WAPL: variants seen among roughly 807,000 people sequenced by gnomAD.
WAPL encodes wings apart-like protein homolog.
In WAPL, 5 loss-of-function variants were observed where a neutral mutation model predicts 121.0. The observed-to-expected ratio is 0.04, with a 90% CI of 0.02 to 0.09. The LOEUF is 0.09. Among genes scored for constraint, WAPL ranks in the 10% least tolerant of loss-of-function variants. The pLI, the probability that WAPL is intolerant of heterozygous loss-of-function variation, is 1.00. For missense variants in WAPL, 999 were observed against 1,410.8 expected, an observed-to-expected ratio of 0.71 and a Z score of 4.68; for synonymous variants, 480 against 481.5, an observed-to-expected ratio of 1.00 and a Z score of 0.04.
At chr10:86,490,043 A>G (rs1250803180) in intron 4 of WAPL, among the ~76,000 whole-genome samples, 8 of 152,084 alleles carry the variant, frequency 5.3e-5, no homozygotes, top group South Asian at 2.1e-4. Flanking sequence ...GTGAAACCCC[A>G]TATCTACTAG....
chr10:86,506,622 C>CA (rs983455761), intron 2 of WAPL, among the ~76,000 whole-genome samples: 144 of 151,494 alleles, frequency 9.5e-4, no homozygotes, highest in Middle Eastern at 3.4e-3. Context: ...ACTCTCTCTA[C>CA]AAAAAAAAAT....
At chr10:86,491,211 C>T (rs1221197077) in intron 4 of WAPL, among the ~76,000 whole-genome samples, 1 of 142,620 alleles carries the variant, frequency 7.0e-6, no homozygotes, top group African/African-American at 2.6e-5. Flanking sequence ...ATGATCTCCG[C>T]TCACTGCAAA....
In WAPL at chr10:86,483,125, G is replaced by A. The variant is rs191863108; in HGVS notation, c.1645-9152C>T. ...CTACTGTGCTGCCAGTCCTATAAGGGTACAGTACATACATGCCAGGTGCGG... is the reference window on the plus strand; with the variant it reads ...CTACTGTGCTGCCAGTCCTATAAGGATACAGTACATACATGCCAGGTGCGG... On this transcript the variant is annotated intron_variant, in intron 4 of 18. Coordinates refer to ENST00000298767, the MANE Select transcript of WAPL (RefSeq NM_015045.5). Among the ~76,000 whole-genome samples, 344 of 152,266 alleles carry A rather than the reference G, an allele frequency of 2.3e-3. 2 individuals are homozygous for A. The highest frequency in any genetic ancestry group is 7.9e-3 in the African/African-American group (329 of 41,544).
Position 86,518,233 on chromosome 10 carries a change from G to A in WAPL, c.-22-142C>T, listed in dbSNP as rs548647957. 57 of 818,622 alleles carry A rather than the reference G, an allele frequency of 7.0e-5. No homozygotes were observed. In the South Asian group the frequency reaches 1.2e-3, roughly 17 times the overall value. The allele number at this position is 818,622 out of a possible 1,614,324, so 50.7% of individuals were successfully genotyped here. A position where few individuals can be genotyped will look rare whatever the true frequency, so the allele number is the denominator to read the frequency against. On this transcript the variant is annotated intron_variant, in intron 1 of 18. Coordinates refer to ENST00000298767, the MANE Select transcript of WAPL (RefSeq NM_015045.5). ...CTTTTAAATAAACAAATATGAGGAAGGGGTATAAAGAAAGGCTGATTTATT... is the reference window on the plus strand; with the variant it reads ...CTTTTAAATAAACAAATATGAGGAAAGGGTATAAAGAAAGGCTGATTTATT...
chr10:86,460,311 G>T, intron 11 of WAPL, 88 bp downstream of exon 11: 2 of 1,007,332 alleles, frequency 2.0e-6, no homozygotes, highest in Non-Finnish European at 1.5e-6. Flanking sequence ...ACCTCCAGGG[G>T]TATATAAAAT....
At chr10:86,484,751 C>T (rs1187833701) in intron 4 of WAPL, among the ~76,000 whole-genome samples, 1 of 152,118 alleles carries the variant, frequency 6.6e-6, no homozygotes, top group Non-Finnish European at 1.5e-5. Context: ...GGTTTAGATA[C>T]ACAAATACTT....
Position 86,517,775 on chromosome 10 carries a change from C to T in WAPL, c.295G>A (p.Glu99Lys). Residue 99 changes from glutamate (E) to lysine (K), a missense_variant, in exon 2 of 19, where the codon GAA becomes AAA. This residue lies in a region of WAPL where 531 missense variants were observed against 563.1 expected (regional missense o/e 0.94). Coordinates refer to ENST00000298767, the MANE Select transcript of WAPL (RefSeq NM_015045.5). ...LAQVKCSSYS[E>K]SSEAAQLEEV... is the part of the protein sequence containing the mutation. ...TCCAACTGAGCAGCTTCACTAGATT[C>T]TGAATAAGAGGAACACTTAACCTGG... is the stretch of plus-strand genomic sequence containing the variant. The T allele has an allele frequency of 6.2e-7, 1 of 1,614,176 alleles. No homozygotes were observed. Among genetic ancestry groups the T allele is most frequent in the Non-Finnish European group, 8.5e-7 (1 of 1,180,032 alleles).
In WAPL at chr10:86,472,417, TTTACA is replaced by T. The variant is rs1472602910; in HGVS notation, c.1894-78_1894-74del. Reference sequence around the variant, plus strand: ...ATTTAAATCTATGGGCTCACTGTACTTTACATAAGTGCATAAAATAGTTCATTAGA... The same window carrying T: ...ATTTAAATCTATGGGCTCACTGTACTTAAGTGCATAAAATAGTTCATTAGA... On this transcript the variant is annotated intron_variant, in intron 6 of 18. Transcript: ENST00000298767. The surrounding 1 kb of genome is among the most constrained non-coding windows in gnomAD (Gnocchi z 4.2). 1.1e-4 allele frequency: 163 copies of T among 1,549,048 alleles called. No individual in the cohort carries two copies. Among genetic ancestry groups the T allele is most frequent in the Non-Finnish European group, 1.4e-4 (156 of 1,153,404 alleles).
intron 3 of WAPL, 102 bp from the exon 4 acceptor site, chr10:86,497,421 A>G: frequency 1.1e-6 from 1 of 885,038 alleles, no homozygotes. Context: ...AATGGGAAGA[A>G]AAGAATAAAG....
Position 86,472,446 on chromosome 10 carries a change from G to C in WAPL, c.1894-102C>G. 1 of 1,509,242 alleles carries C rather than the reference G, an allele frequency of 6.6e-7. No homozygotes were observed. Among genetic ancestry groups the C allele is most frequent in the Non-Finnish European group, 8.9e-7 (1 of 1,125,858 alleles). The allele number at this position is 1,509,242 out of a possible 1,614,324, so 93.5% of individuals were successfully genotyped here. On this transcript the variant is annotated intron_variant, in intron 6 of 18. Coordinates refer to ENST00000298767, the MANE Select transcript of WAPL (RefSeq NM_015045.5). This position sits in a 1 kb window ranked among gnomAD's most constrained non-coding sequence, Gnocchi z 4.2. ...CATAAGTGCATAAAATAGTTCATTAGATGGCAACAAAAATATTTTTAGAAC... is the reference window on the plus strand; with the variant it reads ...CATAAGTGCATAAAATAGTTCATTACATGGCAACAAAAATATTTTTAGAAC...
At chr10:86,460,206 A>T (rs1035190818) in intron 11 of WAPL, among the ~76,000 whole-genome samples, 193 bp downstream of exon 11, 7 of 152,196 alleles carry the variant, frequency 4.6e-5, no homozygotes, top group African/African-American at 1.7e-4. Context: ...TAATACATGT[A>T]CTCTTAAAAT....
At chr10:86,508,668 T>C (rs7918072) in intron 2 of WAPL, among the ~76,000 whole-genome samples, 146,423 of 152,260 alleles carry the variant, frequency 0.96, 70,551 homozygotes, top group East Asian at 1. Context: ...ATATCACTTC[T>C]CTGGTTTCCC....
At chr10:86,454,449 C>T (rs1193542895) in intron 12 of WAPL, among the ~76,000 whole-genome samples, 1 of 152,218 alleles carries the variant, frequency 6.6e-6, no homozygotes, top group African/African-American at 2.4e-5. Flanking sequence ...ACTGTACTGC[C>T]GCCATCTCGG....
At chr10:86,438,082 T>C (rs1849368666) in intron 17 of WAPL, 67 bp from the exon 18 acceptor site, 1 of 1,233,988 alleles carries the variant, frequency 8.1e-7, no homozygotes, top group Non-Finnish European at 1.2e-6. Context: ...TCGTACAATG[T>C]TGTTGGTTTT....
At position 86,485,619 on chromosome 10, in the gene WAPL, A is replaced by G. The variant is rs114277230; in HGVS notation, c.1644+11582T>C. ...AAAGTATTAAAGGAAAAAAAAGCAC[A>G]AGAATTGGATCACAGAGAGAAAATA... On this transcript the variant is annotated intron_variant, in intron 4 of 18. Coordinates refer to ENST00000298767, the MANE Select transcript of WAPL (RefSeq NM_015045.5). 9.4e-3 allele frequency among the ~76,000 whole-genome samples: 1,431 copies of G among 152,340 alleles called. 29 individuals carry two copies. The highest frequency in any genetic ancestry group is 0.032 in the African/African-American group (1,331 of 41,566).
chr10:86,478,696 G>T (rs1841715312), intron 4 of WAPL, among the ~76,000 whole-genome samples: 1 of 152,154 alleles, frequency 6.6e-6, no homozygotes, highest in African/African-American at 2.4e-5. Context: ...ATTTCTTCAT[G>T]AGAGATAATA....
chr10:86,491,800 A>G (rs1842053881), intron 4 of WAPL, among the ~76,000 whole-genome samples: 1 of 151,906 alleles, frequency 6.6e-6, no homozygotes, highest in Non-Finnish European at 1.5e-5. Context: ...TATTACATAT[A>G]TTTAACATGC....
At chr10:86,447,039 T>G (rs1167577746) in intron 15 of WAPL, among the ~76,000 whole-genome samples, 1 of 152,218 alleles carries the variant, frequency 6.6e-6, no homozygotes, top group Non-Finnish European at 1.5e-5. Flanking sequence ...GGTCTAAGAA[T>G]CCCTACGGAT....
chr10:86,455,551 G>A (rs1447799727), intron 12 of WAPL, among the ~76,000 whole-genome samples: 3 of 151,798 alleles, frequency 2.0e-5, no homozygotes, highest in South Asian at 2.1e-4. Context: ...AAGGAAGGCC[G>A]CAGGGTCCTC....
Sources: allele counts gnomAD v4.1 joint callset (sites outside exome capture counted in the v4.1 genomes callset), GRCh38; gene constraint gnomAD v4.1.1; regional missense constraint gnomAD v4.1.1; non-coding constraint Gnocchi (gnomAD v3.1); transcripts MANE v1.5; gene names NCBI Gene and HGNC (gene_info 2026-07-23, HGNC 2026-07-21).